ZNF514: variants seen among roughly 807,000 people sequenced by gnomAD.
ZNF514 encodes the protein zinc finger protein 514.
ZNF514 carries 12 observed loss-of-function variants against 9.7 expected under a neutral mutation model. The observed-to-expected ratio is 1.24, with a 90% CI of 0.79 to 2.01. ZNF514 has a LOEUF of 2.01. Among genes scored for constraint, ZNF514 ranks in the 30% most tolerant of loss-of-function variants. The probability of loss-of-function intolerance (pLI) is 0.00; values close to 1 mark genes in which losing one functional copy is unlikely to be tolerated. For synonymous variants in ZNF514, 158 were observed against 163.7 expected (o/e 0.97, Z 0.27); for missense variants, 467 against 465.5 (o/e 1.00, Z -0.03).
chr2:95,136,332 C>T, the ZNF514 span, among the ~76,000 whole-genome samples: 1 of 151,938 alleles, frequency 6.6e-6, no homozygotes, highest in Non-Finnish European at 1.5e-5. Flanking sequence ...TCTTGGCTCA[C>T]TGCCTCCCAG....
the ZNF514 span, among the ~76,000 whole-genome samples, chr2:95,128,408 A>AT: frequency 6.7e-6 from 1 of 149,516 alleles, no homozygotes; most frequent in Non-Finnish European, 1.5e-5. Context: ...AAAAAAAAAA[A>AT]CAGCTGGGCA....
intron 2 of ZNF514, chr2:95,154,005 T>C (rs1183904344): frequency 1.3e-5 from 2 of 152,254 alleles, no homozygotes; most frequent in African/African-American, 4.8e-5. Context: ...TATAAAATCA[T>C]CCAAAATAAT....
intron 2 of ZNF514, among the ~76,000 whole-genome samples, chr2:95,156,358 C>T (rs1356403212): frequency 6.6e-6 from 1 of 152,196 alleles, no homozygotes; most frequent in East Asian, 1.9e-4. Context: ...AGGCAGTTAC[C>T]ATCTGCCAGC....
the ZNF514 span, among the ~76,000 whole-genome samples, chr2:95,127,085 G>A: frequency 6.6e-6 from 1 of 152,162 alleles, no homozygotes; most frequent in African/African-American, 2.4e-5. Context: ...TAAAACATCT[G>A]GATATTTCTC....
Position 95,149,547 on chromosome 2 carries a change from T to G in ZNF514, c.938A>C (p.Glu313Ala). The G allele has an allele frequency of 6.2e-7, 1 of 1,614,088 alleles. No individual in the cohort carries two copies. The highest frequency in any genetic ancestry group is 8.5e-7 in the Non-Finnish European group (1 of 1,179,990). Residue 313 changes from glutamate (E) to alanine (A), a missense_variant, in exon 5 of 5, where the codon GAA (glutamate) becomes GCA (alanine). Glu to Ala is a moderately radical substitution (Grantham distance 107). Coordinates refer to ENST00000295208, the MANE Select transcript of ZNF514 (RefSeq NM_032788.3). The part of the protein sequence containing the change: ...LIKHQRTHTG[E>A]KPYECRECGR... Reference sequence around the variant, plus strand: ...ACATTCCCGGCATTCATAGGGCTTTTCTCCAGTATGAGTCCTCTGATGCTT... The same window carrying G: ...ACATTCCCGGCATTCATAGGGCTTTGCTCCAGTATGAGTCCTCTGATGCTT...
the ZNF514 span, among the ~76,000 whole-genome samples, chr2:95,137,763 T>A: frequency 6.6e-6 from 1 of 152,212 alleles, no homozygotes; most frequent in Non-Finnish European, 1.5e-5. Flanking sequence ...CAAACTTTTA[T>A]AGCAAGTGAT....
In ZNF514 at chr2:95,148,446, G is replaced by C. The variant is rs1160137747; in HGVS notation, c.*836C>G. The C allele has an allele frequency of 6.6e-6, 1 of 152,222 alleles. No homozygotes were observed. Among genetic ancestry groups the C allele is most frequent in the African/African-American group, 2.4e-5 (1 of 41,458 alleles). 9.4% of individuals were successfully genotyped at this position (152,222 alleles called of 1,614,324 possible). A position where few individuals can be genotyped will look rare whatever the true frequency, so the allele number is the denominator to read the frequency against. On this transcript the variant is annotated 3_prime_UTR_variant, in exon 5 of 5. Transcript: ENST00000295208. ...GTTTTATACATCTCAAGTTGGAAAG[G>C]AACTTTCCTCACATTCATCATGTTC...
chr2:95,154,541 G>T (rs1673637725), intron 2 of ZNF514: 2 of 152,252 alleles, frequency 1.3e-5, no homozygotes. Flanking sequence ...TCAGTAACTT[G>T]AAAGATGAAC....
rs1361323451 is a variant in ZNF514 at position 95,154,082 on chromosome 2, C to T, written c.-6-823G>A. ...GGTTATATTATTTGTCCAAAATATC[C>T]ACTGACCCTCCCTAAAGAATTGAGC... On this transcript the variant is annotated intron_variant, in intron 2 of 4. Transcript: ENST00000295208. 4 of 152,302 alleles carry T rather than the reference C, an allele frequency of 2.6e-5. 1 individual carries two copies. The South Asian group carries it at 8.3e-4, about 32-fold the overall frequency. 9.4% of individuals were successfully genotyped at this position (152,302 alleles called of 1,614,324 possible).
chr2:95,126,764 C>CT, the ZNF514 span, among the ~76,000 whole-genome samples: 7 of 151,414 alleles, frequency 4.6e-5, no homozygotes, highest in South Asian at 2.1e-4. Context: ...AGCCCATTTT[C>CT]TTTTTTTTTC....
the ZNF514 span, among the ~76,000 whole-genome samples, chr2:95,134,748 T>C: frequency 6.6e-6 from 1 of 152,220 alleles, no homozygotes; most frequent in Non-Finnish European, 1.5e-5. Flanking sequence ...CATTTTAGCT[T>C]TGATGCATTT....
chr2:95,137,757 CTT>C, the ZNF514 span, among the ~76,000 whole-genome samples: 2 of 152,114 alleles, frequency 1.3e-5, no homozygotes, highest in Non-Finnish European at 2.9e-5. Context: ...AACATCCAAA[CTT>C]TTATAGCAAG....
At chr2:95,158,890 G>A in intron 1 of ZNF514, 1 of 1,289,786 alleles carries the variant, frequency 7.8e-7, no homozygotes, top group South Asian at 1.2e-5. Context: ...CCTCTTCCTG[G>A]GGTCCTCCTG....
chr2:95,149,220 G>T lies in ZNF514; in HGVS notation c.*62C>A, dbSNP rs867848390. The stretch of plus-strand genomic sequence containing the variant: ...CACCTTTAGGATCTCTCTCTGATAT[G>T]AATTCTTTAAGTTCCAGTGATGTCT... On this transcript the variant is annotated 3_prime_UTR_variant, in exon 5 of 5. Transcript: ENST00000295208. The T allele has an allele frequency of 3.3e-6, 5 of 1,507,652 alleles. No homozygotes were observed. Among genetic ancestry groups the T allele is most frequent in the Non-Finnish European group, 4.4e-6 (5 of 1,128,408 alleles). The allele number at this position is 1,507,652 out of a possible 1,614,324, so 93.4% of individuals were successfully genotyped here.
chr2:95,150,964 T>C (rs2104467576), intron 4 of ZNF514, among the ~76,000 whole-genome samples: 1 of 152,350 alleles, frequency 6.6e-6, no homozygotes, highest in East Asian at 1.9e-4. Context: ...TTTGCGTACC[T>C]TTCAGGGACA....
In ZNF514 at chr2:95,145,605, C is replaced by A. The variant is rs1673340799; in HGVS notation, c.*3677G>T. ...ATAAACCCACTGCCAATCAGAAAATCTTTGAATCCACCTATAACCCAGAAG... is the reference window on the plus strand; with the variant it reads ...ATAAACCCACTGCCAATCAGAAAATATTTGAATCCACCTATAACCCAGAAG... On this transcript the variant is annotated 3_prime_UTR_variant, in exon 5 of 5. Coordinates refer to ENST00000295208, the MANE Select transcript of ZNF514 (RefSeq NM_032788.3). 1.3e-5 allele frequency among the ~76,000 whole-genome samples: 2 copies of A among 152,152 alleles called. No individual in the cohort carries two copies. The highest frequency in any genetic ancestry group is 4.1e-4 in the South Asian group (2 of 4,832).
the ZNF514 span, among the ~76,000 whole-genome samples, chr2:95,136,839 C>A: frequency 6.6e-6 from 1 of 152,166 alleles, no homozygotes; most frequent in African/African-American, 2.4e-5. Flanking sequence ...AGTCCCCTAT[C>A]TGAGGTAAAA....
rs531771397 is a variant in ZNF514, at chr2:95,153,384, G to GT, written c.-6-126dup. Reference sequence around the variant, plus strand: ...ACATTCTTCTCAGGTGGAGGTAAATGTAATACATTTCCTCATTTGTCAAAA... The same window carrying GT: ...ACATTCTTCTCAGGTGGAGGTAAATGTTAATACATTTCCTCATTTGTCAAAA... On this transcript the variant is annotated intron_variant, in intron 2 of 4. Transcript: ENST00000295208. The GT allele has an allele frequency of 4.9e-5, 44 of 901,002 alleles. No homozygotes were observed. In the East Asian group the frequency reaches 1.1e-3, roughly 22 times the overall value. The allele number at this position is 901,002 out of a possible 1,614,324, so 55.8% of individuals were successfully genotyped here. A position where few individuals can be genotyped will look rare whatever the true frequency, so the allele number is the denominator to read the frequency against.
intron 4 of ZNF514, among the ~76,000 whole-genome samples, chr2:95,151,164 C>G (rs1300293801): frequency 1.3e-5 from 2 of 152,152 alleles, no homozygotes; most frequent in African/African-American, 4.8e-5. Flanking sequence ...ACAAAAGGGA[C>G]TTTGCAGATG....
Sources: allele counts gnomAD v4.1 joint callset (sites outside exome capture counted in the v4.1 genomes callset), GRCh38; gene constraint gnomAD v4.1.1; transcripts MANE v1.5; gene names NCBI Gene and HGNC (gene_info 2026-07-23, HGNC 2026-07-21).